The following SLC8A3 variants were observed in gnomAD, a reference collection of about 807,000 sequenced individuals.
SLC8A3 encodes sodium/calcium exchanger 3.
SLC8A3 carries 37 observed loss-of-function variants against 65.4 expected under a neutral mutation model. The observed-to-expected ratio is 0.57, with a 90% CI of 0.44 to 0.74. The LOEUF (loss-of-function observed/expected upper bound fraction) is 0.74, where lower values mean the gene tolerates loss of function less well. SLC8A3 is among the 30% of genes least tolerant of loss of function. SLC8A3 has a pLI of 0.00. For synonymous variants in SLC8A3, 461 were observed against 444.5 expected (o/e 1.04, Z -0.47); for missense variants, 1,112 against 1,172.1 (o/e 0.95, Z 0.75).
intron 2 of SLC8A3, among the ~76,000 whole-genome samples, chr14:70,100,357 T>C (rs956074154): frequency 3.9e-5 from 6 of 152,208 alleles, no homozygotes; most frequent in African/African-American, 1.4e-4. Flanking sequence ...AATGCAGAGC[T>C]CAGCACATTC....
intron 2 of SLC8A3, among the ~76,000 whole-genome samples, chr14:70,118,039 ATCTGTGAGTATAAATACTTCT>A (rs1403509002): frequency 6.6e-6 from 1 of 152,122 alleles, no homozygotes; most frequent in Non-Finnish European, 1.5e-5. Flanking sequence ...ATTTACAGGG[ATCTGTGAGTATAAATACTTCT>A]TCCTTCATGA....
chr14:70,058,089 C>T (rs1337656019), intron 3 of SLC8A3, among the ~76,000 whole-genome samples: 1 of 152,156 alleles, frequency 6.6e-6, no homozygotes, highest in African/African-American at 2.4e-5. Context: ...AGCTTTTAAT[C>T]TCAACTCTGA....
intron 2 of SLC8A3, among the ~76,000 whole-genome samples, chr14:70,092,358 C>G (rs1223908286): frequency 6.6e-6 from 1 of 152,164 alleles, no homozygotes; most frequent in Non-Finnish European, 1.5e-5. Context: ...TCAATCCAGA[C>G]CCACATGGAT....
chr14:70,144,696 G>A (rs1247190706), intron 2 of SLC8A3, among the ~76,000 whole-genome samples: 1 of 151,704 alleles, frequency 6.6e-6, no homozygotes, highest in African/African-American at 2.4e-5. Context: ...CCAAAAAGAA[G>A]TCTCTTGGAG....
At position 70,167,278 on chromosome 14, in the gene SLC8A3, C is replaced by T. The variant is rs1294216064; in HGVS notation, c.1145G>A (p.Ser382Asn). The T allele has an allele frequency of 1.2e-6, 2 of 1,614,088 alleles. No individual in the cohort carries two copies. Among genetic ancestry groups the T allele is most frequent in the Non-Finnish European group, 1.7e-6 (2 of 1,180,052 alleles). ...CTCATCGGTGTGCACCTCGCTCATG[C>T]TGGAGGCCTTCTTGGCTTGTTCTGC... Reference protein sequence around the residue: ...HAAEQAKKASSMSEVHTDEPE... With the variant: ...HAAEQAKKASNMSEVHTDEPE... Residue 382 changes from serine (S) to asparagine (N), a missense_variant, in exon 2 of 7, where the codon AGC becomes AAC. Coordinates refer to ENST00000356921, the MANE Select transcript of SLC8A3 (RefSeq NM_182932.3).
At chr14:70,138,792 A>G (rs1895385281) in intron 2 of SLC8A3, among the ~76,000 whole-genome samples, 1 of 152,230 alleles carries the variant, frequency 6.6e-6, no homozygotes, top group African/African-American at 2.4e-5. Flanking sequence ...GGATAAGGAC[A>G]CAGGGCAGAA....
chr14:70,065,667 T>G (rs1889342054), intron 2 of SLC8A3, among the ~76,000 whole-genome samples: 1 of 152,250 alleles, frequency 6.6e-6, no homozygotes, highest in Non-Finnish European at 1.5e-5. Flanking sequence ...GCAGGGTTTG[T>G]GTTCCCTATT....
rs1451482002 is a variant in SLC8A3, at chr14:70,146,088, G to T, written c.1784+20551C>A. Among the ~76,000 whole-genome samples the T allele has an allele frequency of 3.3e-5, 5 of 152,166 alleles. No individual in the cohort carries two copies. The East Asian group carries it at 7.7e-4, about 23-fold the overall frequency. On this transcript the variant is annotated intron_variant, in intron 2 of 6. Coordinates refer to ENST00000356921, the MANE Select transcript of SLC8A3 (RefSeq NM_182932.3). Reference sequence around the variant, plus strand: ...CTTCAAAGTGCTGCCAGCCAGGGCTGGTTACAATCCTTCACCACAGGCAGG... The same window carrying T: ...CTTCAAAGTGCTGCCAGCCAGGGCTTGTTACAATCCTTCACCACAGGCAGG...
rs565116259 is a variant in SLC8A3 at position 70,080,145 on chromosome 14, T to C, written c.1785-19206A>G. 78 of 985,492 alleles carry C rather than the reference T, an allele frequency of 7.9e-5. No homozygotes were observed. In the African/African-American group the frequency reaches 1.3e-3, roughly 17 times the overall value. 61.0% of individuals were successfully genotyped at this position (985,492 alleles called of 1,614,324 possible). ...CCACCCTCCTGGCTGCCAGTTATCG[T>C]CTGGATGCCTCTAGCTGTCATTCCC... On this transcript the variant is annotated intron_variant, in intron 2 of 6. Transcript: ENST00000356921.
At chr14:70,097,418 C>T (rs575346803) in intron 2 of SLC8A3, among the ~76,000 whole-genome samples, 1 of 152,166 alleles carries the variant, frequency 6.6e-6, no homozygotes, top group South Asian at 2.1e-4. Flanking sequence ...AAATGTGTGA[C>T]AGGCCAACAA....
In SLC8A3 at chr14:70,166,930, A is replaced by T; in HGVS notation, c.1493T>A (p.Met498Lys). The T allele has an allele frequency of 6.2e-7, 1 of 1,614,162 alleles. No individual in the cohort carries two copies. Among genetic ancestry groups the T allele is most frequent in the Non-Finnish European group, 8.5e-7 (1 of 1,180,022 alleles). ...AAGACTGTTGAATATTGCTGGAGGC[A>T]TCCCCTCCTCTGGCTGCTCCTCCTC... Reference protein sequence around the residue: ...RIEEEQPEEGMPPAIFNSLPL... With the variant: ...RIEEEQPEEGKPPAIFNSLPL... Residue 498 changes from methionine (M) to lysine (K), a missense_variant, in exon 2 of 7, where the codon ATG becomes AAG. Coordinates refer to ENST00000356921, the MANE Select transcript of SLC8A3 (RefSeq NM_182932.3).
At chr14:70,179,084 T>G (rs760650549) in intron 1 of SLC8A3, among the ~76,000 whole-genome samples, 20 of 152,210 alleles carry the variant, frequency 1.3e-4, no homozygotes, top group Non-Finnish European at 5.9e-5. Flanking sequence ...CAGGCAAGCA[T>G]GTGTCTTAGG....
chr14:70,057,824 G>A (rs1888336379), intron 3 of SLC8A3, among the ~76,000 whole-genome samples: 1 of 152,176 alleles, frequency 6.6e-6, no homozygotes, highest in African/African-American at 2.4e-5. Context: ...GAAGCATCTG[G>A]GCAGCTTGTC....
intron 2 of SLC8A3, among the ~76,000 whole-genome samples, chr14:70,061,154 G>A (rs1021143082): frequency 4.6e-5 from 7 of 152,168 alleles, no homozygotes; most frequent in African/African-American, 1.7e-4. Context: ...TGTTCTTACG[G>A]GTGAGGGGGC....
chr14:70,173,735 C>T (rs972792183), intron 1 of SLC8A3, among the ~76,000 whole-genome samples: 2 of 152,190 alleles, frequency 1.3e-5, no homozygotes, highest in Non-Finnish European at 1.5e-5. Flanking sequence ...TCCGTTGTGT[C>T]ACCCGAGTCC....
At chr14:70,118,924 A>G (rs951813826) in intron 2 of SLC8A3, among the ~76,000 whole-genome samples, 8 of 152,192 alleles carry the variant, frequency 5.3e-5, no homozygotes, top group African/African-American at 1.7e-4. Context: ...CTTTCATGAA[A>G]TACTTGGGTC....
intron 2 of SLC8A3, among the ~76,000 whole-genome samples, chr14:70,122,609 C>T (rs1019567480): frequency 9.2e-5 from 14 of 152,284 alleles, no homozygotes; most frequent in Middle Eastern, 3.4e-3. Context: ...GCATGGATGG[C>T]GCTTAGCCAA....
chr14:70,107,856 T>C (rs1438628352), intron 2 of SLC8A3, among the ~76,000 whole-genome samples: 3 of 152,084 alleles, frequency 2.0e-5, no homozygotes, highest in Non-Finnish European at 4.4e-5. Flanking sequence ...TAATTTCCCT[T>C]GTCCTTCCCT....
chr14:70,176,390 C>A (rs571654949), intron 1 of SLC8A3, among the ~76,000 whole-genome samples: 7 of 152,310 alleles, frequency 4.6e-5, no homozygotes, highest in Non-Finnish European at 8.8e-5. Context: ...AAAATACAGA[C>A]ATCTAGATCC....
Sources: gnomAD v4.1 joint callset for allele counts (sites outside exome capture counted in the v4.1 genomes callset) on GRCh38, gnomAD v4.1.1 for gene constraint, MANE v1.5 for transcripts, NCBI Gene and HGNC (gene_info 2026-07-23, HGNC 2026-07-21) for gene names.